CTNNA3: variants seen among roughly 807,000 people sequenced by gnomAD.
CTNNA3 encodes catenin alpha-3.
CTNNA3 carries 76 observed loss-of-function variants against 95.7 expected under a neutral mutation model. The ratio of observed to expected loss-of-function variants is 0.79; its 90% CI spans 0.66 to 0.96. CTNNA3 has a LOEUF of 0.96. CTNNA3 is among the 40% of genes least tolerant of loss of function. CTNNA3 has a pLI of 0.00. For missense variants in CTNNA3, 1,191 were observed against 1,089.8 expected, an observed-to-expected ratio of 1.09 and a Z score of -1.31; for synonymous variants, 431 against 374.4, an observed-to-expected ratio of 1.15 and a Z score of -1.74.
intron 11 of CTNNA3, among the ~76,000 whole-genome samples, chr10:66,427,152 G>C (rs1415677523): frequency 2.6e-5 from 4 of 151,910 alleles, no homozygotes; most frequent in African/African-American, 9.7e-5. Context: ...GTTGCATACA[G>C]TGTGCTTTGC....
chr10:67,653,133 A>G (rs562937869), intron 1 of CTNNA3, among the ~76,000 whole-genome samples: 12 of 152,330 alleles, frequency 7.9e-5, no homozygotes, highest in African/African-American at 2.4e-4. Context: ...TCATGGCAGA[A>G]GGCAAGGTGG....
At chr10:66,201,688 C>T (rs2087417072) in intron 13 of CTNNA3, among the ~76,000 whole-genome samples, 1 of 151,876 alleles carries the variant, frequency 6.6e-6, no homozygotes. Context: ...CAAAGCTTGC[C>T]TGCTGTTTCT....
At chr10:67,285,285 T>C (rs1839553826) in intron 5 of CTNNA3, among the ~76,000 whole-genome samples, 1 of 152,186 alleles carries the variant, frequency 6.6e-6, no homozygotes, top group Non-Finnish European at 1.5e-5. Context: ...CTTTACAGCA[T>C]TGCAGAGCTA....
At chr10:65,959,283 C>A (rs528026391) in intron 17 of CTNNA3, among the ~76,000 whole-genome samples, 1 of 152,280 alleles carries the variant, frequency 6.6e-6, no homozygotes, top group Admixed American at 6.5e-5. Flanking sequence ...TTTCCAGTTA[C>A]CATCTGTCAC....
intron 3 of CTNNA3, among the ~76,000 whole-genome samples, chr10:67,598,520 T>G (rs1842990814): frequency 1.3e-5 from 2 of 152,054 alleles, no homozygotes; most frequent in Admixed American, 6.6e-5. Context: ...AATGTGCTGA[T>G]TTTGACGGTG....
chr10:66,417,674 G>C (rs2093158220), intron 11 of CTNNA3, among the ~76,000 whole-genome samples: 1 of 151,872 alleles, frequency 6.6e-6, no homozygotes, highest in African/African-American at 2.4e-5. Flanking sequence ...ATGGTATCAA[G>C]TACCTTCTCA....
At chr10:66,018,838 A>G (rs2079145116) in intron 15 of CTNNA3, among the ~76,000 whole-genome samples, 1 of 152,136 alleles carries the variant, frequency 6.6e-6, no homozygotes, top group African/African-American at 2.4e-5. Context: ...AGAATTACAT[A>G]GACTACATCT....
intron 7 of CTNNA3, among the ~76,000 whole-genome samples, chr10:66,941,470 TA>T (rs1847989927): frequency 6.6e-6 from 1 of 152,182 alleles, no homozygotes; most frequent in African/African-American, 2.4e-5. Context: ...ATCTTAAGGT[TA>T]GAGTCCACTT....
chr10:66,843,593 C>A (rs1227905725), intron 7 of CTNNA3, among the ~76,000 whole-genome samples: 1 of 152,116 alleles, frequency 6.6e-6, no homozygotes, highest in Non-Finnish European at 1.5e-5. Context: ...AGGAAAGAGA[C>A]AACAGAGGAA....
At chr10:66,083,540 C>T (rs1017600922) in intron 14 of CTNNA3, among the ~76,000 whole-genome samples, 4 of 152,110 alleles carry the variant, frequency 2.6e-5, no homozygotes, top group Non-Finnish European at 4.4e-5. Context: ...GATCAGCTAG[C>T]ATAAGCCTGG....
At chr10:66,056,091 G>T (rs1325795843) in intron 15 of CTNNA3, among the ~76,000 whole-genome samples, 1 of 152,012 alleles carries the variant, frequency 6.6e-6, no homozygotes, top group Non-Finnish European at 1.5e-5. Context: ...GGGAATCCTT[G>T]TCTTATTTCA....
At chr10:67,215,530 A>G (rs1288999009) in intron 6 of CTNNA3, among the ~76,000 whole-genome samples, 2 of 152,102 alleles carry the variant, frequency 1.3e-5, no homozygotes, top group Non-Finnish European at 2.9e-5. Context: ...AGGCAATTTT[A>G]AACTAGATTT....
At chr10:66,368,552 A>C (rs985217158) in intron 12 of CTNNA3, among the ~76,000 whole-genome samples, 4 of 152,072 alleles carry the variant, frequency 2.6e-5, no homozygotes, top group African/African-American at 9.7e-5. Flanking sequence ...CTCTTGTGTT[A>C]GCTTTCTAAA....
At chr10:66,831,732 G>A (rs890861172) in intron 7 of CTNNA3, among the ~76,000 whole-genome samples, 1 of 152,172 alleles carries the variant, frequency 6.6e-6, no homozygotes, top group Admixed American at 6.5e-5. Context: ...GAAAGCAGAG[G>A]AGAGAGGAAA....
intron 7 of CTNNA3, among the ~76,000 whole-genome samples, chr10:67,137,909 T>C (rs1376309073): frequency 6.6e-6 from 1 of 151,248 alleles, no homozygotes; most frequent in African/African-American, 2.4e-5. Context: ...ATGTAATTTA[T>C]TTTATATATT....
intron 15 of CTNNA3, among the ~76,000 whole-genome samples, chr10:66,046,784 A>G (rs973499530): frequency 1.3e-5 from 2 of 152,130 alleles, no homozygotes; most frequent in Non-Finnish European, 2.9e-5. Context: ...GTGATAAGGT[A>G]ATGTTATTAT....
intron 13 of CTNNA3, among the ~76,000 whole-genome samples, chr10:66,239,440 G>A (rs151320710): frequency 6.6e-6 from 1 of 151,822 alleles, no homozygotes; most frequent in African/African-American, 2.4e-5. Flanking sequence ...GTTCACTTTT[G>A]CAATGGACTA....
chr10:66,789,586 G>A (rs551438944), intron 7 of CTNNA3, among the ~76,000 whole-genome samples: 1 of 152,212 alleles, frequency 6.6e-6, no homozygotes, highest in Admixed American at 6.5e-5. Flanking sequence ...CTAAATCAAT[G>A]TACACATATA....
At chr10:66,505,414 C>T (rs1840415990) in intron 11 of CTNNA3, among the ~76,000 whole-genome samples, 1 of 152,152 alleles carries the variant, frequency 6.6e-6, no homozygotes, top group South Asian at 2.1e-4. Context: ...TCTTCAGTCT[C>T]CACAATGATC....
Sources: allele counts gnomAD v4.1 joint callset (sites outside exome capture counted in the v4.1 genomes callset), GRCh38; gene constraint gnomAD v4.1.1; transcripts MANE v1.5; gene names NCBI Gene and HGNC (gene_info 2026-07-23, HGNC 2026-07-21).